The following MTMR12 variants were observed in gnomAD, a reference collection of about 807,000 sequenced individuals.
The protein encoded by MTMR12 is myotubularin-related protein 12.
In MTMR12, 33 loss-of-function variants were observed where a neutral mutation model predicts 96.7. The ratio of observed to expected loss-of-function variants is 0.34; its 90% CI spans 0.26 to 0.46. The LOEUF (loss-of-function observed/expected upper bound fraction) is 0.46. MTMR12 is among the 20% of genes least tolerant of loss of function. MTMR12 has a pLI of 1.00. For synonymous variants in MTMR12, 298 were observed against 327.2 expected, an observed-to-expected ratio of 0.91 and a Z score of 0.96; for missense variants, 721 against 896.1, an observed-to-expected ratio of 0.80 and a Z score of 2.49.
chr5:32,258,905 A>C (rs1264765274), intron 7 of MTMR12, among the ~76,000 whole-genome samples: 3 of 134,236 alleles, frequency 2.2e-5, no homozygotes, highest in Non-Finnish European at 4.7e-5. Flanking sequence ...TCTTTCACAA[A>C]AAAAAAAAAA....
chr5:32,259,763 T>C (rs1221292924), intron 7 of MTMR12, among the ~76,000 whole-genome samples: 1 of 152,088 alleles, frequency 6.6e-6, no homozygotes, highest in Non-Finnish European at 1.5e-5. Flanking sequence ...GGGCTGGGCA[T>C]AGTGGCTCAA....
At chr5:32,295,199 A>C (rs1750880759) in intron 1 of MTMR12, among the ~76,000 whole-genome samples, 1 of 152,230 alleles carries the variant, frequency 6.6e-6, no homozygotes, top group African/African-American at 2.4e-5. Flanking sequence ...ATGCTTCTGA[A>C]AGCATGACAG....
chr5:32,269,783 T>C (rs974879470), intron 5 of MTMR12, among the ~76,000 whole-genome samples: 1 of 152,252 alleles, frequency 6.6e-6, no homozygotes, highest in Non-Finnish European at 1.5e-5. Flanking sequence ...ACAGCTGTTC[T>C]GATCCATTGT....
rs756835456 is a variant in MTMR12 at position 32,276,710 on chromosome 5, C to T, written c.114G>A (p.Glu38=). ...EIHTNEKEVT[E]KEVTLHLLPG... ...GCAACAAGTGAAGAGTTACTTCCTT[C>T]TCTGTTACTTCCTTTTCGTTTGTGT... Residue 38 remains glutamate, a synonymous_variant, in exon 2 of 16, where the codon GAG becomes GAA. Coordinates refer to ENST00000382142, the MANE Select transcript of MTMR12 (RefSeq NM_001040446.3). The T allele has an allele frequency of 2.5e-6, 4 of 1,613,776 alleles. No individual in the cohort carries two copies. The African/African-American group carries it at 5.3e-5, about 22-fold the overall frequency.
chr5:32,268,632 C>T, intron 6 of MTMR12, 69 bp downstream of exon 6: 3 of 1,319,900 alleles, frequency 2.3e-6, no homozygotes, highest in Non-Finnish European at 3.3e-6. Context: ...TGTGTTCTCC[C>T]CCACTGGCTT....
intron 12 of MTMR12, among the ~76,000 whole-genome samples, chr5:32,240,278 A>T (rs1017942019): frequency 6.6e-6 from 1 of 152,116 alleles, no homozygotes; most frequent in Non-Finnish European, 1.5e-5. Flanking sequence ...GCACGCCTGT[A>T]ATCCCAGCTA....
chr5:32,290,571 C>T (rs957102081), intron 1 of MTMR12, among the ~76,000 whole-genome samples: 2 of 152,198 alleles, frequency 1.3e-5, no homozygotes, highest in African/African-American at 4.8e-5. Context: ...GCAACATATT[C>T]TTCGTTTGAG....
chr5:32,268,274 G>A (rs141111891), intron 6 of MTMR12, among the ~76,000 whole-genome samples: 1,524 of 152,172 alleles, frequency 0.01, 26 homozygotes, highest in African/African-American at 0.035. Context: ...TTGGGAGGCC[G>A]AGGTGGATGG....
chr5:32,254,752 G>C (rs1749074552), intron 8 of MTMR12, among the ~76,000 whole-genome samples: 1 of 152,154 alleles, frequency 6.6e-6, no homozygotes, highest in Non-Finnish European at 1.5e-5. Context: ...GCTGAGGCAG[G>C]AGAATTGCTT....
At chr5:32,260,376 G>C (rs947039028) in intron 7 of MTMR12, among the ~76,000 whole-genome samples, 3 of 151,674 alleles carry the variant, frequency 2.0e-5, no homozygotes, top group Non-Finnish European at 4.4e-5. Flanking sequence ...GGGAGACCAC[G>C]GAGCAGCGAC....
chr5:32,271,588 C>T (rs775285468), intron 4 of MTMR12, among the ~76,000 whole-genome samples: 8 of 152,158 alleles, frequency 5.3e-5, no homozygotes, highest in Non-Finnish European at 1.2e-4. Context: ...CAACATCTAG[C>T]ATATAATGGT....
chr5:32,270,116 G>C (rs1428192811), intron 5 of MTMR12, among the ~76,000 whole-genome samples: 1 of 152,066 alleles, frequency 6.6e-6, no homozygotes, highest in Non-Finnish European at 1.5e-5. Context: ...TATACCATCA[G>C]AGGGAAAAGT....
At chr5:32,261,522 C>T (rs1463168104) in intron 7 of MTMR12, among the ~76,000 whole-genome samples, 1 of 152,320 alleles carries the variant, frequency 6.6e-6, no homozygotes, top group South Asian at 2.1e-4. Context: ...TCCTGACCAA[C>T]CCTCCCACCA....
chr5:32,268,440 G>A (rs533621537), intron 6 of MTMR12, among the ~76,000 whole-genome samples: 5 of 151,534 alleles, frequency 3.3e-5, no homozygotes, highest in South Asian at 4.2e-4. Flanking sequence ...CCCGGGAGGC[G>A]GAAATTGCAG....
In MTMR12 at chr5:32,239,199, A is replaced by C. The variant is rs78185618; in HGVS notation, c.1172-26T>G. 35,206 of 1,530,432 alleles carry C rather than the reference A, an allele frequency of 0.023. 416 individuals are homozygous for C. Among genetic ancestry groups the C allele is most frequent in the African/African-American group, 0.03 (2,200 of 73,072 alleles). The allele number at this position is 1,530,432 out of a possible 1,614,324, so 94.8% of individuals were successfully genotyped here. ...CTAGGAGAGGCCCCAGCAGCAGTGC[A>C]AAGAGGAAGGAGGGCATAAAATGTT... is the stretch of plus-strand genomic sequence containing the variant. On this transcript the variant is annotated intron_variant, in intron 12 of 15. Coordinates refer to ENST00000382142, the MANE Select transcript of MTMR12 (RefSeq NM_001040446.3).
chr5:32,271,262 A>C (rs1187427276), intron 4 of MTMR12, among the ~76,000 whole-genome samples: 3 of 152,208 alleles, frequency 2.0e-5, no homozygotes, highest in Non-Finnish European at 4.4e-5. Context: ...ATGAAAGGGA[A>C]ATGACTAGAG....
At chr5:32,286,876 T>C (rs1055606953) in intron 1 of MTMR12, among the ~76,000 whole-genome samples, 1 of 152,210 alleles carries the variant, frequency 6.6e-6, no homozygotes, top group Non-Finnish European at 1.5e-5. Flanking sequence ...CACATGCTCT[T>C]TTATTCACTG....
chr5:32,241,403 G>A (rs1390316818), intron 12 of MTMR12, among the ~76,000 whole-genome samples: 2 of 152,200 alleles, frequency 1.3e-5, no homozygotes, highest in Non-Finnish European at 2.9e-5. Flanking sequence ...CAGTTACAGA[G>A]TTTCAGAGAA....
At position 32,253,575 on chromosome 5, in the gene MTMR12, G is replaced by A. The variant is rs940210342; in HGVS notation, c.789+2118C>T. Among the ~76,000 whole-genome samples the A allele has an allele frequency of 3.3e-5, 5 of 152,246 alleles. No homozygotes were observed. In the South Asian group the frequency reaches 6.2e-4, roughly 19 times the overall value. ...CAAACTCCACTGTAACTTTTGGGACGTATAAATATGGGAAGAACTAATGAA... is the reference window on the plus strand; with the variant it reads ...CAAACTCCACTGTAACTTTTGGGACATATAAATATGGGAAGAACTAATGAA... On this transcript the variant is annotated intron_variant, in intron 8 of 15. Transcript: ENST00000382142.
Sources: gnomAD v4.1 joint callset for allele counts (sites outside exome capture counted in the v4.1 genomes callset) on GRCh38, gnomAD v4.1.1 for gene constraint, MANE v1.5 for transcripts, NCBI Gene and HGNC (gene_info 2026-07-23, HGNC 2026-07-21) for gene names.